CTNNA3: variants seen among roughly 807,000 people sequenced by gnomAD.
The protein encoded by CTNNA3 is catenin alpha-3.
A neutral mutation model predicts 95.7 loss-of-function variants in CTNNA3; 76 were observed. The ratio of observed to expected loss-of-function variants is 0.79; its 90% confidence interval spans 0.66 to 0.96. The LOEUF (loss-of-function observed/expected upper bound fraction) is 0.96, where lower values mean the gene tolerates loss of function less well. Among genes scored for constraint, CTNNA3 ranks in the 40% least tolerant of loss-of-function variants. CTNNA3 has a pLI of 0.00. For missense variants in CTNNA3, 1,191 were observed against 1,089.8 expected, an observed-to-expected ratio of 1.09 and a Z score of -1.31; for synonymous variants, 431 against 374.4, an observed-to-expected ratio of 1.15 and a Z score of -1.74.
chr10:66,179,703 A>C (rs1411114295), intron 13 of CTNNA3, among the ~76,000 whole-genome samples: 1 of 152,062 alleles, frequency 6.6e-6, no homozygotes, highest in East Asian at 1.9e-4. Flanking sequence ...TTTTCATTTA[A>C]ATTTTTAAGT....
At chr10:67,260,106 A>G (rs1866534901) in intron 5 of CTNNA3, among the ~76,000 whole-genome samples, 1 of 152,210 alleles carries the variant, frequency 6.6e-6, no homozygotes, top group South Asian at 2.1e-4. Context: ...CGCTGCGCTA[A>G]ATAACAAATG....
At chr10:66,530,544 C>T (rs1382711200) in intron 10 of CTNNA3, among the ~76,000 whole-genome samples, 1 of 152,126 alleles carries the variant, frequency 6.6e-6, no homozygotes, top group Non-Finnish European at 1.5e-5. Flanking sequence ...ATTACCTTTA[C>T]ACTTCAAATT....
intron 5 of CTNNA3, among the ~76,000 whole-genome samples, chr10:67,290,144 T>G (rs552324500): frequency 2.0e-5 from 3 of 152,246 alleles, no homozygotes; most frequent in Non-Finnish European, 4.4e-5. Flanking sequence ...TTTAGAACTG[T>G]GGTATCCTTC....
At chr10:66,297,803 C>T (rs1014398780) in intron 12 of CTNNA3, among the ~76,000 whole-genome samples, 12 of 152,124 alleles carry the variant, frequency 7.9e-5, no homozygotes, top group African/African-American at 1.2e-4. Context: ...GGAGCTACTG[C>T]GGGTCTCATC....
rs541056982 is a variant in CTNNA3 at position 66,107,618 on chromosome 10, C to A, written c.1885-4369G>T. Among the ~76,000 whole-genome samples the A allele has an allele frequency of 2.8e-4, 42 of 152,210 alleles. No individual in the cohort carries two copies. The South Asian group carries it at 7.7e-3, about 28-fold the overall frequency. Reference sequence around the variant, plus strand: ...ACATTAAGACTTCAGGGTCACAATACATTTCATATATATATCCTTTTTCCC... The same window carrying A: ...ACATTAAGACTTCAGGGTCACAATAAATTTCATATATATATCCTTTTTCCC... On this transcript the variant is annotated intron_variant, in intron 13 of 17. Coordinates refer to ENST00000433211, the MANE Select transcript of CTNNA3 (RefSeq NM_013266.4).
chr10:67,553,578 G>A (rs1841110309), intron 3 of CTNNA3, among the ~76,000 whole-genome samples: 1 of 152,032 alleles, frequency 6.6e-6, no homozygotes, highest in African/African-American at 2.4e-5. Flanking sequence ...AGCATTTGAG[G>A]AATGGCATTT....
chr10:66,591,444 A>G (rs1843547642), intron 10 of CTNNA3, among the ~76,000 whole-genome samples: 1 of 152,136 alleles, frequency 6.6e-6, no homozygotes, highest in South Asian at 2.1e-4. Context: ...AGCAGCCTGA[A>G]GGCAACATGA....
Position 66,404,992 on chromosome 10 carries a change from T to C in CTNNA3, c.1532-25640A>G, listed in dbSNP as rs117077092. On this transcript the variant is annotated intron_variant, in intron 11 of 17. Coordinates refer to ENST00000433211, the MANE Select transcript of CTNNA3 (RefSeq NM_013266.4). ...TAAAGCCAGGGCGAGTTTGGTGGAA[T>C]TGTATAATCATCTCCTGCCTTTGCC... Among the ~76,000 whole-genome samples the C allele has an allele frequency of 5.6e-3, 851 of 152,298 alleles. 4 individuals are homozygous for C. The highest frequency in any genetic ancestry group is 9.6e-3 in the Non-Finnish European group (650 of 68,016).
At chr10:67,738,445 C>A (rs1010763429) in intron 1 of CTNNA3, among the ~76,000 whole-genome samples, 3 of 152,124 alleles carry the variant, frequency 2.0e-5, no homozygotes, top group African/African-American at 7.2e-5. Flanking sequence ...CTGTACGTCA[C>A]CATCATCAAA....
chr10:66,797,422 A>AAAAAAC (rs33946637), intron 7 of CTNNA3, among the ~76,000 whole-genome samples: 4 of 148,874 alleles, frequency 2.7e-5, no homozygotes, highest in African/African-American at 1.0e-4. Context: ...AAAAAAAAAA[A>AAAAAAC]CCCACATTTA....
intron 13 of CTNNA3, among the ~76,000 whole-genome samples, chr10:66,272,137 G>T (rs533737975): frequency 6.6e-6 from 1 of 152,238 alleles, no homozygotes; most frequent in South Asian, 2.1e-4. Flanking sequence ...TAAAACTAAG[G>T]TTACTTTGCT....
intron 5 of CTNNA3, among the ~76,000 whole-genome samples, chr10:67,401,671 G>C (rs1844929725): frequency 6.6e-6 from 1 of 152,112 alleles, no homozygotes; most frequent in Admixed American, 6.6e-5. Context: ...GCTCCCCCAA[G>C]CAGACCTGAT....
intron 13 of CTNNA3, among the ~76,000 whole-genome samples, chr10:66,231,427 A>G (rs1273232265): frequency 6.6e-6 from 1 of 152,124 alleles, no homozygotes; most frequent in African/African-American, 2.4e-5. Flanking sequence ...AAGTCATTTG[A>G]AATATTCTAA....
chr10:67,676,191 G>T (rs186779852), intron 1 of CTNNA3, among the ~76,000 whole-genome samples: 3 of 152,082 alleles, frequency 2.0e-5, no homozygotes, highest in African/African-American at 7.2e-5. Flanking sequence ...AAAGACCCAG[G>T]AATTATAAGA....
At chr10:67,333,491 G>A (rs1841876502) in intron 5 of CTNNA3, among the ~76,000 whole-genome samples, 1 of 152,086 alleles carries the variant, frequency 6.6e-6, no homozygotes, top group African/African-American at 2.4e-5. Flanking sequence ...TTTTATGCTG[G>A]GTTGGATTTA....
intron 5 of CTNNA3, among the ~76,000 whole-genome samples, chr10:67,271,860 T>C (rs1279687357): frequency 6.6e-6 from 1 of 152,196 alleles, no homozygotes; most frequent in Non-Finnish European, 1.5e-5. Context: ...AGGACTTATC[T>C]ACTTATCTGT....
chr10:66,538,806 G>A (rs535925794), intron 10 of CTNNA3, among the ~76,000 whole-genome samples: 1 of 152,218 alleles, frequency 6.6e-6, no homozygotes, highest in East Asian at 1.9e-4. Flanking sequence ...TTCTATCCTA[G>A]CTAGAGATTC....
chr10:67,749,098 C>T (rs563128905), intron 1 of CTNNA3, among the ~76,000 whole-genome samples: 83 of 152,244 alleles, frequency 5.5e-4, no homozygotes, highest in African/African-American at 1.9e-3. Context: ...GTGAGAAGAA[C>T]TAACAATTCT....
At chr10:66,425,634 T>C (rs1384180079) in intron 11 of CTNNA3, among the ~76,000 whole-genome samples, 1 of 152,034 alleles carries the variant, frequency 6.6e-6, no homozygotes, top group East Asian at 1.9e-4. Context: ...TTTACCTATA[T>C]ACACATTTGT....
Sources: allele counts gnomAD v4.1 joint callset (sites outside exome capture counted in the v4.1 genomes callset), GRCh38; gene constraint gnomAD v4.1.1; transcripts MANE v1.5; gene names NCBI Gene and HGNC (gene_info 2026-07-23, HGNC 2026-07-21).